PLEKHA8: variants seen among roughly 807,000 people sequenced by gnomAD.
PLEKHA8 encodes the protein pleckstrin homology domain containing A8, also known as pleckstrin homology domain-containing family A member 8.
PLEKHA8 carries 36 observed loss-of-function variants against 68.2 expected under a neutral mutation model. That is an observed-to-expected ratio of 0.53 (90% confidence interval 0.40 to 0.70). The LOEUF (loss-of-function observed/expected upper bound fraction) is 0.70, where lower values mean the gene tolerates loss of function less well. Among genes scored for constraint, PLEKHA8 ranks in the 30% least tolerant of loss-of-function variants. PLEKHA8 has a pLI of 0.00. For synonymous variants in PLEKHA8, 211 were observed against 216.1 expected (o/e 0.98, Z 0.20); for missense variants, 505 against 615.4 (o/e 0.82, Z 1.90).
chr7:30,115,568 G>A (rs559413969), intron 13 of PLEKHA8, among the ~76,000 whole-genome samples: 1 of 50,688 alleles, frequency 2.0e-5, no homozygotes, highest in Non-Finnish European at 6.1e-5. Context: ...GTAGACATAT[G>A]TATACATGCA....
rs1467326064 is a variant in PLEKHA8, at chr7:30,080,830, C to T, written c.*2043C>T. The T allele has an allele frequency of 1.0e-6, 1 of 985,166 alleles. No individual in the cohort carries two copies. Among genetic ancestry groups the T allele is most frequent in the Non-Finnish European group, 1.2e-6 (1 of 829,914 alleles). The allele number at this position is 985,166 out of a possible 1,614,324, so 61.0% of individuals were successfully genotyped here. On this transcript the variant is annotated 3_prime_UTR_variant, in exon 14 of 14. Coordinates refer to ENST00000449726, the MANE Select transcript of PLEKHA8 (RefSeq NM_001197026.2). ...ATAGTCCCTGCCCTTGACATAGCCC[C>T]CTAAAACGGAAAAAGAAAAAGCCAG...
intron 12 of PLEKHA8, among the ~76,000 whole-genome samples, chr7:30,065,737 T>A (rs1793801348): frequency 6.6e-6 from 1 of 152,218 alleles, no homozygotes; most frequent in Admixed American, 6.5e-5. Context: ...CCAGTGTAAC[T>A]ACTACACTAA....
intron 8 of PLEKHA8, 58 bp downstream of exon 8, chr7:30,054,923 T>G (rs1460016376): frequency 6.8e-7 from 1 of 1,476,596 alleles, no homozygotes; most frequent in Non-Finnish European, 9.3e-7. Flanking sequence ...TTCTGGAAAA[T>G]CAGTCATGGT....
At chr7:30,115,559 T>C (rs1175049838) in intron 13 of PLEKHA8, among the ~76,000 whole-genome samples, 4 of 50,876 alleles carry the variant, frequency 7.9e-5, no homozygotes, top group Non-Finnish European at 2.4e-4. Context: ...CGTATACATG[T>C]AGACATATGT....
intron 9 of PLEKHA8, among the ~76,000 whole-genome samples, chr7:30,057,272 AACTGGAATATTAT>A (rs1793069635): frequency 6.6e-6 from 1 of 152,166 alleles, no homozygotes; most frequent in African/African-American, 2.4e-5. Context: ...AACTTGATAT[AACTGGAATATTAT>A]ACTTTTTTGC....
intron 12 of PLEKHA8, among the ~76,000 whole-genome samples, chr7:30,070,257 C>T (rs1376984936): frequency 6.6e-6 from 1 of 151,998 alleles, no homozygotes; most frequent in Non-Finnish European, 1.5e-5. Flanking sequence ...CCACATTTTG[C>T]CAGGTGGAAC....
intron 1 of PLEKHA8, among the ~76,000 whole-genome samples, chr7:30,037,161 A>G (rs1044141581): frequency 6.6e-6 from 1 of 152,220 alleles, no homozygotes; most frequent in African/African-American, 2.4e-5. Context: ...CACTATTAAC[A>G]TATCTATATA....
chr7:30,084,880 A>C (rs956123921), downstream of PLEKHA8, among the ~76,000 whole-genome samples: 2 of 152,064 alleles, frequency 1.3e-5, no homozygotes, highest in Non-Finnish European at 2.9e-5. Flanking sequence ...AAGATCCCAC[A>C]GCTAGGAGGA....
At chr7:30,044,615 A>C (rs1791805452) in intron 1 of PLEKHA8, among the ~76,000 whole-genome samples, 1 of 152,244 alleles carries the variant, frequency 6.6e-6, no homozygotes, top group South Asian at 2.1e-4. Context: ...TGTTGAAAGG[A>C]CCTTGTCATC....
Position 30,083,965 on chromosome 7 carries a change from T to C in PLEKHA8, c.*5178T>C. 2.0e-6 allele frequency: 2 copies of C among 985,462 alleles called. No homozygotes were observed. Among genetic ancestry groups the C allele is most frequent in the Non-Finnish European group, 2.4e-6 (2 of 829,904 alleles). 61.0% of individuals were successfully genotyped at this position (985,462 alleles called of 1,614,324 possible). On this transcript the variant is annotated 3_prime_UTR_variant, in exon 14 of 14. Coordinates refer to ENST00000449726, the MANE Select transcript of PLEKHA8 (RefSeq NM_001197026.2). ...AGGAAGGATGCTCTAGAAGTACTTC[T>C]GTTGTTTCCTAGAAGGCTATGAGCC...
At chr7:30,085,227 T>C (rs1235328271), downstream of PLEKHA8, among the ~76,000 whole-genome samples, 2 of 152,174 alleles carry the variant, frequency 1.3e-5, no homozygotes, top group African/African-American at 4.8e-5. Context: ...CTTGAGCCAC[T>C]GTGCCCAGCC....
chr7:30,029,218 T>C (rs1357348076), intron 1 of PLEKHA8, among the ~76,000 whole-genome samples: 10 of 152,244 alleles, frequency 6.6e-5, no homozygotes, highest in Non-Finnish European at 1.3e-4. Flanking sequence ...AGCAGTAACC[T>C]GGAATTCCAC....
chr7:30,054,208 C>T (rs908129124), intron 7 of PLEKHA8, among the ~76,000 whole-genome samples: 4 of 152,174 alleles, frequency 2.6e-5, no homozygotes, highest in African/African-American at 9.7e-5. Context: ...CATTGCTCTA[C>T]CTCAGCTAGG....
At chr7:30,087,875 G>A (rs1179070955), downstream of PLEKHA8, among the ~76,000 whole-genome samples, 1 of 152,182 alleles carries the variant, frequency 6.6e-6, no homozygotes, top group African/African-American at 2.4e-5. Flanking sequence ...TACAACTTAA[G>A]GATGGGAAGT....
At chr7:30,103,828 CAT>C (rs1395581855) in intron 13 of PLEKHA8, among the ~76,000 whole-genome samples, 1 of 152,070 alleles carries the variant, frequency 6.6e-6, no homozygotes, top group Non-Finnish European at 1.5e-5. Flanking sequence ...TACAAGGAAA[CAT>C]AGAGCATTAT....
At chr7:30,110,909 TG>T (rs1428411410) in intron 13 of PLEKHA8, among the ~76,000 whole-genome samples, 104 of 151,588 alleles carry the variant, frequency 6.9e-4, no homozygotes, top group African/African-American at 2.2e-3. Flanking sequence ...ATTTTGAGGT[TG>T]TTTTTTTTTT....
At chr7:30,060,302 G>T (rs760820658) in intron 9 of PLEKHA8, among the ~76,000 whole-genome samples, 3 of 151,924 alleles carry the variant, frequency 2.0e-5, no homozygotes, top group African/African-American at 2.4e-5. Flanking sequence ...TTAGCTGGGC[G>T]TGGTGGTGGG....
chr7:30,032,389 A>C (rs1003587180), intron 1 of PLEKHA8, among the ~76,000 whole-genome samples: 3 of 152,236 alleles, frequency 2.0e-5, no homozygotes, highest in African/African-American at 7.2e-5. Flanking sequence ...AACTGTTAAA[A>C]ATTTATTAGT....
chr7:30,129,261 T>C (rs371449074), intron 13 of PLEKHA8: 8 of 1,612,732 alleles, frequency 5.0e-6, no homozygotes, highest in Non-Finnish European at 6.8e-6. Context: ...TTTATCCTGG[T>C]GTAGGTGTAG....
Sources: gnomAD v4.1 joint callset for allele counts (sites outside exome capture counted in the v4.1 genomes callset) on GRCh38, gnomAD v4.1.1 for gene constraint, MANE v1.5 for transcripts, NCBI Gene and HGNC (gene_info 2026-07-23, HGNC 2026-07-21) for gene names.